The following PSD2 variants were observed in gnomAD, a reference collection of about 807,000 sequenced individuals.
PSD2 encodes the protein PH and SEC7 domain-containing protein 2.
PSD2 carries 38 observed loss-of-function variants against 69.8 expected under a neutral mutation model. The ratio of observed to expected loss-of-function variants is 0.54; its 90% CI spans 0.42 to 0.71. The LOEUF is 0.71. Ranked by LOEUF, PSD2 falls within the 30% of genes least tolerant of loss-of-function variation. The pLI, the probability that PSD2 is intolerant of heterozygous loss-of-function variation, is 0.00. For synonymous variants in PSD2, 412 were observed against 423.0 expected, an observed-to-expected ratio of 0.97 and a Z score of 0.32; for missense variants, 943 against 1,014.5, an observed-to-expected ratio of 0.93 and a Z score of 0.96.
rs1452837444 is a variant in PSD2 at position 139,836,815 on chromosome 5, G to A, written c.1408G>A (p.Glu470Lys). 8 of 1,613,794 alleles carry A rather than the reference G, an allele frequency of 5.0e-6. No individual in the cohort carries two copies. Among genetic ancestry groups the A allele is most frequent in the Non-Finnish European group, 6.8e-6 (8 of 1,179,832 alleles). The change falls in exon 10 of 15, where the codon GAG (glutamate) becomes AAG (lysine). Residue 470 changes from glutamate (E) to lysine (K), a missense_variant. Coordinates refer to ENST00000274710, the MANE Select transcript of PSD2 (RefSeq NM_032289.4). ...TCAGGCCTAGTACTTCCCTAGTGAT[G>A]AGGATGAGCTGAGGAAATCCCTGTC... ...KNEKLEWAID[E>K]DELRKSLSEL... is the part of the protein sequence containing the mutation.
rs766847308 is a variant in PSD2, at chr5:139,809,453, A to C, written c.13A>C (p.Lys5Gln). 1.7e-5 allele frequency: 27 copies of C among 1,611,560 alleles called. No individual in the cohort carries two copies. The highest frequency in any genetic ancestry group is 2.2e-5 in the Non-Finnish European group (26 of 1,179,442). ...AGCAGTGGCTGCCATGGAGGAGGAC[A>C]AGCTCTTATCTGCAGTGCCTGAGGA... Reference protein sequence around the residue: MEEDKLLSAVPEEGD... With the variant: MEEDQLLSAVPEEGD... The change falls in exon 2 of 15, where the codon AAG (lysine) becomes CAG (glutamine). Residue 5 changes from lysine to glutamine, a missense_variant. Physicochemically the swap from Lys to Gln is moderately conservative, Grantham distance 53. Coordinates refer to ENST00000274710, the MANE Select transcript of PSD2 (RefSeq NM_032289.4).
the PSD2 span, among the ~76,000 whole-genome samples, chr5:139,759,741 C>T: frequency 1.3e-5 from 2 of 152,210 alleles, no homozygotes; most frequent in African/African-American, 2.4e-5. Flanking sequence ...CCAATTCTTC[C>T]GTTTAATTAT....
chr5:139,834,420 G>T (rs1760666021), intron 8 of PSD2, among the ~76,000 whole-genome samples: 1 of 151,720 alleles, frequency 6.6e-6, no homozygotes, highest in Admixed American at 6.6e-5. Flanking sequence ...CAAGTAGCTG[G>T]GACTATAGGT....
At chr5:139,765,499 C>A in the PSD2 span, among the ~76,000 whole-genome samples, 1 of 152,174 alleles carries the variant, frequency 6.6e-6, no homozygotes, top group Non-Finnish European at 1.5e-5. Flanking sequence ...ACTACAATCT[C>A]GTTCTGCCCA....
At chr5:139,782,086 G>A in the PSD2 span, among the ~76,000 whole-genome samples, 1 of 152,234 alleles carries the variant, frequency 6.6e-6, no homozygotes, top group African/African-American at 2.4e-5. Context: ...GCTCCCAGTG[G>A]CCCTTCACAG....
At chr5:139,832,991 C>T (rs981402097) in intron 7 of PSD2, among the ~76,000 whole-genome samples, 1 of 152,054 alleles carries the variant, frequency 6.6e-6, no homozygotes, top group African/African-American at 2.4e-5. Flanking sequence ...TGTCCCAGCT[C>T]AGCTCAGCTT....
chr5:139,791,918 G>T (rs549141258), upstream of PSD2, among the ~76,000 whole-genome samples: 5 of 152,334 alleles, frequency 3.3e-5, 1 homozygote, highest in Admixed American at 1.3e-4. Flanking sequence ...ACTTTTTCAA[G>T]GAGCTTTGCT....
At chr5:139,830,105 G>C (rs1272205818) in intron 7 of PSD2, among the ~76,000 whole-genome samples, 1 of 150,406 alleles carries the variant, frequency 6.6e-6, no homozygotes, top group East Asian at 1.9e-4. Context: ...TTGGATTTGT[G>C]TTTCTCTAAT....
chr5:139,783,636 GC>G, the PSD2 span, among the ~76,000 whole-genome samples: 2 of 152,150 alleles, frequency 1.3e-5, no homozygotes, highest in African/African-American at 4.8e-5. Context: ...TTGCTGTGTT[GC>G]CCAGGCTGCT....
chr5:139,826,458 G>A (rs907392357), intron 7 of PSD2, among the ~76,000 whole-genome samples: 1 of 152,148 alleles, frequency 6.6e-6, no homozygotes, highest in Non-Finnish European at 1.5e-5. Flanking sequence ...GTGTGAGTGG[G>A]GAATGTTGAC....
intron 2 of PSD2, 129 bp downstream of exon 2, chr5:139,809,940 C>A: frequency 2.0e-6 from 2 of 1,012,404 alleles, no homozygotes; most frequent in Non-Finnish European, 2.9e-6. Flanking sequence ...TCATATCCCT[C>A]TTTTGCCCAG....
Position 139,836,892 on chromosome 5 carries a change from C to T in PSD2, c.1485C>T (p.Ile495=), listed in dbSNP as rs1401367400. ...FGTGTKKVTR[I]LDGGNPFLDV... is the part of the protein sequence containing the mutation. Reference sequence around the variant, plus strand: ...CAGGCACGAAGAAGGTGACGCGAATCCTGGATGGTGGCAACCCCTTCCTGG... The same window carrying T: ...CAGGCACGAAGAAGGTGACGCGAATTCTGGATGGTGGCAACCCCTTCCTGG... The change falls in exon 10 of 15, where the codon ATC becomes ATT. Residue 495 remains isoleucine (I), a synonymous_variant. Coordinates refer to ENST00000274710, the MANE Select transcript of PSD2 (RefSeq NM_032289.4). The T allele has an allele frequency of 6.2e-7, 1 of 1,614,180 alleles. No individual in the cohort carries two copies. Among genetic ancestry groups the T allele is most frequent in the Non-Finnish European group, 8.5e-7 (1 of 1,180,018 alleles).
At chr5:139,800,980 G>A (rs1322743651) in intron 1 of PSD2, among the ~76,000 whole-genome samples, 1 of 152,078 alleles carries the variant, frequency 6.6e-6, no homozygotes, top group African/African-American at 2.4e-5. Flanking sequence ...TGAGATAGGT[G>A]GATCACCTGA....
chr5:139,830,574 C>CTTTCTTTCTTTCTT (rs1760556919), intron 7 of PSD2, among the ~76,000 whole-genome samples: 1 of 129,830 alleles, frequency 7.7e-6, no homozygotes, highest in Non-Finnish European at 1.6e-5. Context: ...TCCTTTCTTT[C>CTTTCTTTCTTTCTT]TTTCTTTCTT....
intron 7 of PSD2, among the ~76,000 whole-genome samples, chr5:139,824,209 G>T (rs1760350057): frequency 6.6e-6 from 1 of 152,172 alleles, no homozygotes; most frequent in Admixed American, 6.5e-5. Flanking sequence ...GCTAAGGAGG[G>T]CGGCAGCCAC....
the PSD2 span, among the ~76,000 whole-genome samples, chr5:139,778,993 C>CT: frequency 7.1e-6 from 1 of 141,420 alleles, no homozygotes; most frequent in Admixed American, 7.0e-5. Flanking sequence ...AGGACAGAAA[C>CT]TTTTTTAAGG....
At chr5:139,751,980 A>T in the PSD2 span, among the ~76,000 whole-genome samples, 1 of 151,566 alleles carries the variant, frequency 6.6e-6, no homozygotes, top group Admixed American at 6.6e-5. Flanking sequence ...TTTTGTAGAG[A>T]CTGGGTCTTC....
intron 14 of PSD2, among the ~76,000 whole-genome samples, chr5:139,841,249 T>A (rs865942869): frequency 2.8e-4 from 42 of 151,804 alleles, no homozygotes; most frequent in South Asian, 2.7e-3. Context: ...AGTTTGCAAA[T>A]TTTTTTTTGG....
At chr5:139,764,256 G>A in the PSD2 span, among the ~76,000 whole-genome samples, 1 of 152,190 alleles carries the variant, frequency 6.6e-6, no homozygotes, top group Admixed American at 6.5e-5. Flanking sequence ...ACTTGTCGCC[G>A]CCACAACCGC....
Sources: allele counts gnomAD v4.1 joint callset (sites outside exome capture counted in the v4.1 genomes callset), GRCh38; gene constraint gnomAD v4.1.1; transcripts MANE v1.5; gene names NCBI Gene and HGNC (gene_info 2026-07-23, HGNC 2026-07-21).